STK3: variants seen among roughly 807,000 people sequenced by gnomAD.
STK3 encodes serine/threonine-protein kinase 3.
Under a neutral mutation model 58.0 loss-of-function variants are expected in STK3, and 41 were observed. The observed-to-expected ratio is 0.71, with a 90% CI of 0.55 to 0.92. STK3 has a LOEUF of 0.92. Among genes scored for constraint, STK3 ranks in the 40% least tolerant of loss-of-function variants. The pLI, the probability that STK3 is intolerant of heterozygous loss-of-function variation, is 0.00. For synonymous variants in STK3, 170 were observed against 191.0 expected (o/e 0.89, Z 0.91); for missense variants, 479 against 602.7 (o/e 0.79, Z 2.15).
chr8:98,841,056 C>T (rs1196362181), intron 3 of STK3, among the ~76,000 whole-genome samples: 1 of 152,214 alleles, frequency 6.6e-6, no homozygotes, highest in East Asian at 1.9e-4. Flanking sequence ...CTCTAGAGGG[C>T]AGCACTCAGC....
chr8:98,903,004 C>T (rs1261903586), intron 1 of STK3, among the ~76,000 whole-genome samples: 1 of 152,164 alleles, frequency 6.6e-6, no homozygotes, highest in Non-Finnish European at 1.5e-5. Flanking sequence ...TAAGACAAAA[C>T]CCAAATTCCC....
chr8:98,889,956 G>T (rs1838134288), intron 1 of STK3: 1 of 152,220 alleles, frequency 6.6e-6, no homozygotes, highest in African/African-American at 2.4e-5. Flanking sequence ...TGAACTAGCA[G>T]TATCTTTAAG....
At chr8:98,517,568 T>C (rs1456559884) in intron 10 of STK3, among the ~76,000 whole-genome samples, 3 of 152,116 alleles carry the variant, frequency 2.0e-5, no homozygotes, top group Non-Finnish European at 2.9e-5. Context: ...TGAACTACTA[T>C]GCATACTCAG....
At chr8:98,879,250 A>G (rs1211596402), downstream of STK3, 2 of 152,178 alleles carry the variant, frequency 1.3e-5, no homozygotes, top group African/African-American at 4.8e-5. Flanking sequence ...GTTATACCAT[A>G]TTGTTTGGGG....
chr8:98,672,134 A>G (rs1822876061), intron 6 of STK3, among the ~76,000 whole-genome samples: 1 of 152,182 alleles, frequency 6.6e-6, no homozygotes, highest in South Asian at 2.1e-4. Flanking sequence ...ACTAACACAG[A>G]CAGGGTCTCT....
rs77236519 is a variant in STK3 at position 98,581,892 on chromosome 8, G to T, written c.823-2103C>A. Among the ~76,000 whole-genome samples, 56 of 152,068 alleles carry T rather than the reference G, an allele frequency of 3.7e-4. No homozygotes were observed. In the East Asian group the frequency reaches 0.01, roughly 28 times the overall value. ...TCCATGGTTTTAGCTGTACTTTAAT[G>T]AGGAAGTATAGAGAAAAATATGGTT... On this transcript the variant is annotated intron_variant, in intron 7 of 10. Coordinates refer to ENST00000419617, the MANE Select transcript of STK3 (RefSeq NM_006281.4).
intron 2 of STK3, among the ~76,000 whole-genome samples, chr8:98,373,069 T>A (rs956999825): frequency 2.1e-4 from 32 of 152,060 alleles, no homozygotes; most frequent in African/African-American, 7.7e-4. Context: ...ACAGAGAGAG[T>A]CAGATGAGGG....
chr8:98,872,184 G>A (rs141378643), intron 3 of STK3, among the ~76,000 whole-genome samples: 5,801 of 152,254 alleles, frequency 0.038, 138 homozygotes, highest in South Asian at 0.067. Context: ...TGCATCCCAG[G>A]GGTGAAGCCA....
intron 1 of STK3, among the ~76,000 whole-genome samples, chr8:98,445,294 G>A (rs929108840): frequency 1.3e-5 from 2 of 152,008 alleles, no homozygotes; most frequent in Non-Finnish European, 2.9e-5. Context: ...GATGCGTTTA[G>A]CTAATAGACT....
upstream of STK3, among the ~76,000 whole-genome samples, chr8:98,388,552 T>C (rs7842481): frequency 0.095 from 14,390 of 152,222 alleles, 1,798 homozygotes; most frequent in African/African-American, 0.29. Flanking sequence ...CAAGATCTAA[T>C]CATGGTTTCC....
At chr8:98,380,474 T>G (rs1284858769) in intron 1 of STK3, among the ~76,000 whole-genome samples, 1 of 152,232 alleles carries the variant, frequency 6.6e-6, no homozygotes, top group South Asian at 2.1e-4. Context: ...TGTTAAGCAA[T>G]TCTTTGCTGA....
chr8:98,600,469 A>G (rs1816237075), intron 6 of STK3, among the ~76,000 whole-genome samples: 1 of 152,232 alleles, frequency 6.6e-6, no homozygotes, highest in Non-Finnish European at 1.5e-5. Context: ...ACCTAATTTT[A>G]CGACTGAGGC....
chr8:98,426,283 A>G (rs1347069219), intron 3 of STK3, among the ~76,000 whole-genome samples: 1 of 152,200 alleles, frequency 6.6e-6, no homozygotes, highest in Non-Finnish European at 1.5e-5. Context: ...CACACGTCCC[A>G]GGTCCCCCCT....
intron 10 of STK3, among the ~76,000 whole-genome samples, chr8:98,508,709 G>T (rs114837882): frequency 1.3e-5 from 2 of 151,848 alleles, no homozygotes; most frequent in Admixed American, 1.3e-4. Context: ...GATTGCTTAA[G>T]AAATAAAACA....
At chr8:98,695,444 T>C (rs533365228) in intron 6 of STK3, among the ~76,000 whole-genome samples, 42 of 152,342 alleles carry the variant, frequency 2.8e-4, no homozygotes, top group African/African-American at 9.6e-4. Flanking sequence ...TGAATGGTAA[T>C]GCCTAGGTTT....
intron 4 of STK3, among the ~76,000 whole-genome samples, chr8:98,727,242 ACT>A (rs2131222934): frequency 6.6e-6 from 1 of 152,102 alleles, no homozygotes; most frequent in East Asian, 1.9e-4. Flanking sequence ...CAAGATTATC[ACT>A]CTTTTCTGCT....
At chr8:98,773,658 A>C (rs1326315227) in intron 2 of STK3, among the ~76,000 whole-genome samples, 1 of 152,110 alleles carries the variant, frequency 6.6e-6, no homozygotes, top group Non-Finnish European at 1.5e-5. Flanking sequence ...CTATAAACAG[A>C]ATATAGGTAG....
chr8:98,354,731 C>T, the STK3 span, among the ~76,000 whole-genome samples: 1 of 152,170 alleles, frequency 6.6e-6, no homozygotes. Flanking sequence ...ACACAGAGCA[C>T]TATAGTGAGT....
downstream of STK3, chr8:98,880,231 C>G (rs888827410): frequency 2.6e-5 from 4 of 152,112 alleles, no homozygotes; most frequent in Admixed American, 1.3e-4. Flanking sequence ...GCCCTCTACC[C>G]TCGGTGACAG....
Sources: gnomAD v4.1 joint callset for allele counts (sites outside exome capture counted in the v4.1 genomes callset) on GRCh38, gnomAD v4.1.1 for gene constraint, MANE v1.5 for transcripts, NCBI Gene and HGNC (gene_info 2026-07-23, HGNC 2026-07-21) for gene names.